Variants in DMBT1 observed in about 807,000 individuals in gnomAD.
DMBT1 encodes the protein deleted in malignant brain tumors 1, also known as scavenger receptor cysteine-rich domain-containing protein DMBT1.
A neutral mutation model predicts 252.9 loss-of-function variants in DMBT1; 198 were observed. That is an observed-to-expected ratio of 0.78 (90% CI 0.70 to 0.88). The LOEUF (loss-of-function observed/expected upper bound fraction) is 0.88. Ranked by LOEUF, DMBT1 falls within the 40% of genes least tolerant of loss-of-function variation. DMBT1 has a pLI of 0.00. For missense variants in DMBT1, 2,432 were observed against 2,404.7 expected (o/e 1.01, Z -0.24); for synonymous variants, 990 against 942.7 (o/e 1.05, Z -0.92).
intron 55 of DMBT1, among the ~76,000 whole-genome samples, chr10:122,642,180 AAAAAAC>A (rs1346448188): frequency 4.6e-5 from 7 of 151,626 alleles, no homozygotes; most frequent in Non-Finnish European, 8.8e-5. Flanking sequence ...ACTGTGAAAA[AAAAAAC>A]AAAAACAAAA....
At position 122,630,977 on chromosome 10, in the gene DMBT1, G is replaced by T; in HGVS notation, c.6042G>T (p.Leu2014Phe). The T allele has an allele frequency of 6.2e-7, 1 of 1,601,398 alleles. No individual in the cohort carries two copies. The highest frequency in any genetic ancestry group is 8.5e-7 in the Non-Finnish European group (1 of 1,169,766). The change falls in exon 49 of 56, where the codon TTG becomes TTT. Residue 2014 changes from leucine to phenylalanine, a missense_variant. Physicochemically the swap from Leu to Phe is conservative, Grantham distance 22. Coordinates refer to ENST00000338354, the MANE Select transcript of DMBT1 (RefSeq NM_001377530.1). ...NSFPSDATLR[L>F]VNLNSSYGLC... ...GTCTTTCAGATGCCACCTTGAGGTT[G>T]GTCAATTTAAATTCATCCTATGGTC...
rs1022355992 is a variant in DMBT1, at chr10:122,576,319, A to G, written c.284-80A>G. ...CTCTCAAAGATATCTGCCTATGGGG[A>G]AGACCCTGAATGCCCTGCAGGCCCT... On this transcript the variant is annotated intron_variant, in intron 6 of 55. Coordinates refer to ENST00000338354, the MANE Select transcript of DMBT1 (RefSeq NM_001377530.1). The G allele has an allele frequency of 2.7e-5, 42 of 1,550,180 alleles. 1 individual carries two copies. The South Asian group carries it at 3.9e-4, about 14-fold the overall frequency.
At chr10:122,625,225 C>T in intron 44 of DMBT1, 52 bp from the exon 45 acceptor site, 1 of 1,581,626 alleles carries the variant, frequency 6.3e-7, no homozygotes, top group Non-Finnish European at 8.7e-7. Context: ...ATTTCTCTCG[C>T]TCATCATCCT....
At chr10:122,642,817 T>G (rs1186644088) in intron 55 of DMBT1, among the ~76,000 whole-genome samples, 1 of 152,168 alleles carries the variant, frequency 6.6e-6, no homozygotes, top group Non-Finnish European at 1.5e-5. Context: ...CCTGGGTGCA[T>G]GGAGCATGTG....
At position 122,643,443 on chromosome 10, in the gene DMBT1, G is replaced by T; in HGVS notation, c.*45G>T. ...ACTGTCCACCGGGGCGCAGACCCCT[G>T]ACTCGGGGACTTGGGATGTTCCTCT... is the stretch of plus-strand genomic sequence containing the variant. On this transcript the variant is annotated 3_prime_UTR_variant, in exon 56 of 56. Transcript: ENST00000338354. 1 of 1,563,138 alleles carries T rather than the reference G, an allele frequency of 6.4e-7. No homozygotes were observed. Among genetic ancestry groups the T allele is most frequent in the South Asian group, 1.2e-5 (1 of 85,768 alleles).
At chr10:122,641,027 A>T (rs2684739) in intron 55 of DMBT1, among the ~76,000 whole-genome samples, 1 of 152,020 alleles carries the variant, frequency 6.6e-6, no homozygotes, top group Non-Finnish European at 1.5e-5. Flanking sequence ...GAGAGTGTGC[A>T]GCAGGTGGTC....
intron 42 of DMBT1, among the ~76,000 whole-genome samples, chr10:122,619,909 G>A (rs565637641): frequency 2.5e-4 from 38 of 152,312 alleles, no homozygotes; most frequent in Non-Finnish European, 4.1e-4. Flanking sequence ...CCCTTTGGGC[G>A]GCTCCTTGGT....
At chr10:122,639,153 C>A (rs116086310) in intron 54 of DMBT1, among the ~76,000 whole-genome samples, 2,865 of 152,312 alleles carry the variant, frequency 0.019, 79 homozygotes, top group African/African-American at 0.065. Flanking sequence ...TAAATCTGCA[C>A]TCCATGTTCA....
intron 52 of DMBT1, among the ~76,000 whole-genome samples, chr10:122,634,447 TCTCTCTCTCTCTCTCTC>T (rs2098205354): frequency 1.3e-5 from 1 of 74,832 alleles, no homozygotes; most frequent in Non-Finnish European, 2.3e-5. Context: ...TCTCTCTCTC[TCTCTCTCTCTCTCTCTC>T]TCTCTCTCTC....
rs770039772 is a variant in DMBT1, at chr10:122,621,132, G to A, written c.5360G>A (p.Arg1787Gln). ...CGAGGCCGAGTGGAGGTCCTGTATC[G>A]AGGCTCCTGGGGAACCGTGTGTGAT... ...RCRGRVEVLYRGSWGTVCDDS... is the reference protein window; with the variant it reads ...RCRGRVEVLYQGSWGTVCDDS... Residue 1787 changes from arginine (R) to glutamine (Q), a missense_variant, in exon 44 of 56, where the codon CGA (arginine) becomes CAA (glutamine). This residue lies in a region of DMBT1 where 1,162 missense variants were observed against 1,169.0 expected (regional missense o/e 0.99). Transcript: ENST00000338354. The A allele has an allele frequency of 6.2e-7, 1 of 1,613,740 alleles. No homozygotes were observed. The highest frequency in any genetic ancestry group is 8.5e-7 in the Non-Finnish European group (1 of 1,179,736).
rs139473568 is a variant in DMBT1 at position 122,643,408 on chromosome 10, C to T, written c.*10C>T. The T allele has an allele frequency of 8.1e-6, 13 of 1,607,106 alleles. No homozygotes were observed. The highest frequency in any genetic ancestry group is 5.1e-5 in the Admixed American group (3 of 59,174). ...AGAGGAGCCTCGGTAGGTGGTCGCT[C>T]TCAGACCCCACTGTCCACCGGGGCG... On this transcript the variant is annotated 3_prime_UTR_variant, in exon 56 of 56. Transcript: ENST00000338354.
Position 122,621,401 on chromosome 10 carries a change from G to T in DMBT1, c.5608+21G>T, listed in dbSNP as rs569986515. The T allele has an allele frequency of 3.7e-6, 6 of 1,613,772 alleles. No individual in the cohort carries two copies. The East Asian group carries it at 6.7e-5, about 18-fold the overall frequency. On this transcript the variant is annotated intron_variant, in intron 44 of 55. Coordinates refer to ENST00000338354, the MANE Select transcript of DMBT1 (RefSeq NM_001377530.1). Reference sequence around the variant, plus strand: ...CTCAGGTGGGCCTTCAAGACCTGGGGCTCCCTCTCTTGGGGTGGAGTTTGC... The same window carrying T: ...CTCAGGTGGGCCTTCAAGACCTGGGTCTCCCTCTCTTGGGGTGGAGTTTGC...
chr10:122,584,614 G>A (rs1165253731), intron 14 of DMBT1, among the ~76,000 whole-genome samples: 2 of 149,054 alleles, frequency 1.3e-5, no homozygotes, highest in Admixed American at 1.3e-4. Flanking sequence ...GGTTTAGGAA[G>A]TGGCCTCATA....
intron 55 of DMBT1, among the ~76,000 whole-genome samples, chr10:122,642,555 G>T (rs765186563): frequency 6.6e-6 from 1 of 152,182 alleles, no homozygotes; most frequent in Non-Finnish European, 1.5e-5. Flanking sequence ...CGGTATAGGG[G>T]CTCCTGGAGG....
chr10:122,586,153 T>A lies in DMBT1; in HGVS notation c.1553T>A (p.Val518Glu). ...CTATACCGAGGCTCCTGGGGCACCG[T>A]GTGTGATGACAGCTGGGACACCAAT... ...EVLYRGSWGTVCDDSWDTNDA... is the reference protein window; with the variant it reads ...EVLYRGSWGTECDDSWDTNDA... The change falls in exon 16 of 56, where the codon GTG becomes GAG. Residue 518 changes from valine to glutamate, a missense_variant. Physicochemically the swap from Val to Glu is moderately radical, Grantham distance 121. Around this residue, in one of 3 missense-constraint regions of DMBT1, gnomAD observed 1,264 missense variants for 1,082.2 expected, o/e 1.17. Coordinates refer to ENST00000338354, the MANE Select transcript of DMBT1 (RefSeq NM_001377530.1). 6.3e-7 allele frequency: 1 copy of A among 1,589,094 alleles called. No homozygotes were observed. Among genetic ancestry groups the A allele is most frequent in the Non-Finnish European group, 8.6e-7 (1 of 1,166,046 alleles).
chr10:122,624,719 G>A (rs1179847704), intron 44 of DMBT1, among the ~76,000 whole-genome samples: 1 of 152,172 alleles, frequency 6.6e-6, no homozygotes, highest in Non-Finnish European at 1.5e-5. Context: ...GTTTGATCAG[G>A]GCTCAGGACC....
At position 122,568,586 on chromosome 10, in the gene DMBT1, T is replaced by C. The variant is rs117512264; in HGVS notation, c.92-1576T>C. 5.6e-3 allele frequency among the ~76,000 whole-genome samples: 845 copies of C among 152,246 alleles called. 49 individuals carry two copies. In the East Asian group the frequency reaches 0.13, roughly 24 times the overall value. On this transcript the variant is annotated intron_variant, in intron 2 of 55. Transcript: ENST00000338354. ...ACCAAGATAAAAGCTTCTGGCTGTG[T>C]CACTGCAGGTCTGCCTCTGAGGCTG...
In DMBT1 at chr10:122,590,602, C is replaced by T. The variant is rs933043057; in HGVS notation, c.2108-63C>T. On this transcript the variant is annotated intron_variant, in intron 17 of 55. Coordinates refer to ENST00000338354, the MANE Select transcript of DMBT1 (RefSeq NM_001377530.1). ...GGCGCTACCAGTTTAGTTCCTTGTA[C>T]CTTTGTTCTGGTTTTGCCAGCTTCT... 140 of 1,559,904 alleles carry T rather than the reference C, an allele frequency of 9.0e-5. 14 individuals carry two copies. Among genetic ancestry groups the T allele is most frequent in the Non-Finnish European group, 1.2e-4 (137 of 1,140,594 alleles).
intron 51 of DMBT1, 129 bp from the exon 52 acceptor site, chr10:122,633,062 T>C (rs1254618141): frequency 2.0e-6 from 3 of 1,493,788 alleles, no homozygotes; most frequent in Non-Finnish European, 2.7e-6. Context: ...CACCTCTTGC[T>C]CTTACTTGGT....
Sources: allele counts gnomAD v4.1 joint callset (sites outside exome capture counted in the v4.1 genomes callset), GRCh38; gene constraint gnomAD v4.1.1; regional missense constraint gnomAD v4.1.1; transcripts MANE v1.5; gene names NCBI Gene and HGNC (gene_info 2026-07-23, HGNC 2026-07-21).